The following DDHD1 variants were observed in gnomAD, a reference collection of about 807,000 sequenced individuals.
The protein encoded by DDHD1 is DDHD domain containing 1.
A neutral mutation model predicts 96.4 loss-of-function variants in DDHD1; 49 were observed. That is an observed-to-expected ratio of 0.51 (90% CI 0.40 to 0.64). The LOEUF is 0.64. DDHD1 is among the 30% of genes least tolerant of loss of function. The pLI, the probability that DDHD1 is intolerant of heterozygous loss-of-function variation, is 0.00. For missense variants in DDHD1, 1,106 were observed against 1,161.2 expected (o/e 0.95, Z 0.69); for synonymous variants, 442 against 446.5 (o/e 0.99, Z 0.13).
At chr14:53,109,214 TTC>T (rs1736734131) in intron 1 of DDHD1, among the ~76,000 whole-genome samples, 1 of 152,170 alleles carries the variant, frequency 6.6e-6, no homozygotes, top group African/African-American at 2.4e-5. Context: ...TGTCGTTCTT[TTC>T]TCTGTCTCTT....
intron 11 of DDHD1, 106 bp from the exon 12 acceptor site, chr14:53,052,033 A>G: frequency 1.3e-6 from 1 of 776,152 alleles, no homozygotes; most frequent in Non-Finnish European, 2.1e-6. Context: ...AAATAAACTG[A>G]CTAAATCTAG....
intron 1 of DDHD1, among the ~76,000 whole-genome samples, chr14:53,111,657 A>T (rs901614636): frequency 3.9e-5 from 6 of 152,094 alleles, no homozygotes; most frequent in Non-Finnish European, 5.9e-5. Context: ...AAAATACATT[A>T]GACTCAGCAA....
At chr14:53,103,124 C>T (rs1887433893) in intron 2 of DDHD1, 4 of 1,463,156 alleles carry the variant, frequency 2.7e-6, no homozygotes, top group African/African-American at 2.8e-5. Context: ...GATTTAGACA[C>T]ACAATGAAAA....
At chr14:53,111,326 T>C (rs1046375780) in intron 1 of DDHD1, among the ~76,000 whole-genome samples, 1 of 152,228 alleles carries the variant, frequency 6.6e-6, no homozygotes, top group Non-Finnish European at 1.5e-5. Context: ...TTCTAAGTTA[T>C]AATTTAGACC....
chr14:53,058,206 G>A (rs906093635), intron 9 of DDHD1, among the ~76,000 whole-genome samples: 3 of 152,060 alleles, frequency 2.0e-5, no homozygotes, highest in Non-Finnish European at 4.4e-5. Flanking sequence ...GCATGATCTT[G>A]GCTCAGTCCA....
At chr14:53,091,510 A>AGAT (rs779769915) in intron 4 of DDHD1, among the ~76,000 whole-genome samples, 15 of 152,206 alleles carry the variant, frequency 9.9e-5, no homozygotes, top group Non-Finnish European at 1.9e-4. Context: ...TTTCAATGTT[A>AGAT]GATTATAAAT....
chr14:53,092,426 T>G (rs1886507942), intron 3 of DDHD1: 1 of 152,142 alleles, frequency 6.6e-6, no homozygotes, highest in South Asian at 2.1e-4. Flanking sequence ...AATTAAAATT[T>G]TAAAATAGGA....
At chr14:53,152,114 C>CGGTATGCTCTG in intron 1 of DDHD1, 147 bp downstream of exon 1, 1 of 787,162 alleles carries the variant, frequency 1.3e-6, no homozygotes, top group Non-Finnish European at 1.9e-6. Flanking sequence ...GCTGCCGACG[C>CGGTATGCTCTG]TCCCTGCTCA....
intron 1 of DDHD1, among the ~76,000 whole-genome samples, chr14:53,108,914 G>A (rs989376883): frequency 1.3e-5 from 2 of 152,156 alleles, no homozygotes; most frequent in African/African-American, 4.8e-5. Context: ...TTTTTGGGGA[G>A]AAGTTTTATC....
intron 2 of DDHD1, 88 bp from the exon 3 acceptor site, chr14:53,093,532 AT>A: frequency 6.7e-7 from 1 of 1,503,380 alleles, no homozygotes; most frequent in Non-Finnish European, 8.9e-7. Flanking sequence ...TTTAAAATCA[AT>A]ATGTTATCTA....
In DDHD1 at chr14:53,103,662, AAATGTATC is replaced by A. The variant is rs758850632; in HGVS notation, c.1012+13_1012+20del. Reference sequence around the variant, plus strand: ...ACTTACTTGGTTTGTAGAATATATTAAATGTATCAATTGATCTTACCATCTTTTCCATC... The same window carrying A: ...ACTTACTTGGTTTGTAGAATATATTAAATTGATCTTACCATCTTTTCCATC... On this transcript the variant is annotated intron_variant, in intron 2 of 12. Transcript: ENST00000673822. 4 of 1,584,654 alleles carry A rather than the reference AAATGTATC, an allele frequency of 2.5e-6. No individual in the cohort carries two copies. Among genetic ancestry groups the A allele is most frequent in the Non-Finnish European group, 3.4e-6 (4 of 1,165,186 alleles).
At chr14:53,100,781 T>C (rs529686845) in intron 2 of DDHD1, among the ~76,000 whole-genome samples, 2 of 152,326 alleles carry the variant, frequency 1.3e-5, no homozygotes, top group East Asian at 3.9e-4. Flanking sequence ...ATATAGTATT[T>C]TAAAATGTTT....
chr14:53,074,324 T>C (rs1884772350), intron 4 of DDHD1, among the ~76,000 whole-genome samples: 1 of 151,838 alleles, frequency 6.6e-6, no homozygotes. Flanking sequence ...CATGTGCAGA[T>C]TTGTGATTAG....
At chr14:53,119,341 C>T (rs979273725) in intron 1 of DDHD1, among the ~76,000 whole-genome samples, 7 of 152,120 alleles carry the variant, frequency 4.6e-5, no homozygotes, top group African/African-American at 1.7e-4. Flanking sequence ...AATGGGCTAA[C>T]TGCCCCAATC....
intron 4 of DDHD1, among the ~76,000 whole-genome samples, chr14:53,086,468 A>C (rs1363983390): frequency 1.3e-5 from 2 of 152,246 alleles, no homozygotes; most frequent in African/African-American, 4.8e-5. Context: ...CAGAAACTCC[A>C]CAAGCCAGAA....
At chr14:53,152,236 G>A in intron 1 of DDHD1, 25 bp downstream of exon 1, 1 of 1,576,300 alleles carries the variant, frequency 6.3e-7, no homozygotes, top group Non-Finnish European at 8.6e-7. Flanking sequence ...AGCCCGTCCT[G>A]CCCTAACCCC....
At chr14:53,108,643 G>A (rs553313022) in intron 1 of DDHD1, among the ~76,000 whole-genome samples, 1 of 152,280 alleles carries the variant, frequency 6.6e-6, no homozygotes, top group South Asian at 2.1e-4. Flanking sequence ...AGTTGACTGT[G>A]GCTAACTGAA....
rs552913729 is a variant in DDHD1, at chr14:53,098,045, G to A, written c.1013-4601C>T. Among the ~76,000 whole-genome samples, 6 of 151,956 alleles carry A rather than the reference G, an allele frequency of 3.9e-5. No homozygotes were observed. In the East Asian group the frequency reaches 7.7e-4, roughly 20 times the overall value. On this transcript the variant is annotated intron_variant, in intron 2 of 12. Coordinates refer to ENST00000673822, the MANE Select transcript of DDHD1 (RefSeq NM_001160148.2). Reference sequence around the variant, plus strand: ...TTTTTCAACCCAAAGCACAGAATTAGGGGTACTATGATAAGTACAGTAGAG... The same window carrying A: ...TTTTTCAACCCAAAGCACAGAATTAAGGGTACTATGATAAGTACAGTAGAG...
intron 12 of DDHD1, chr14:53,048,760 T>C (rs1002739926): frequency 6.6e-6 from 1 of 152,184 alleles, no homozygotes; most frequent in African/African-American, 2.4e-5. Context: ...CATGGGACAT[T>C]TGTATTAGAT....
Sources: allele counts gnomAD v4.1 joint callset (sites outside exome capture counted in the v4.1 genomes callset), GRCh38; gene constraint gnomAD v4.1.1; transcripts MANE v1.5; gene names NCBI Gene and HGNC (gene_info 2026-07-23, HGNC 2026-07-21).